The following ANGPTL5 variants were observed in gnomAD, a reference collection of about 807,000 sequenced individuals.
ANGPTL5 encodes the protein angiopoietin like 5.
A neutral mutation model predicts 39.4 loss-of-function variants in ANGPTL5; 34 were observed. That is an observed-to-expected ratio of 0.86 (90% CI 0.66 to 1.15). The LOEUF is 1.15. Among genes scored for constraint, ANGPTL5 ranks in the 50% most tolerant of loss-of-function variants. The probability of loss-of-function intolerance (pLI) is 0.00; values close to 1 mark genes in which losing one functional copy is unlikely to be tolerated. For synonymous variants in ANGPTL5, 146 were observed against 152.1 expected (o/e 0.96, Z 0.29); for missense variants, 467 against 457.5 (o/e 1.02, Z -0.19).
Position 101,913,044 on chromosome 11 carries a change from T to C in ANGPTL5, c.-93+2975A>G, listed in dbSNP as rs538704522. On this transcript the variant is annotated intron_variant, in intron 1 of 8. Transcript: ENST00000334289. ...AGCTAAACAAACACTGGCCTTGAGA[T>C]AAGCAATAGTAAAACAATCGTAGCT... Among the ~76,000 whole-genome samples, 16 of 152,306 alleles carry C rather than the reference T, an allele frequency of 1.1e-4. No individual in the cohort carries two copies. The South Asian group carries it at 2.1e-3, about 20-fold the overall frequency.
At chr11:101,894,278 T>C (rs181343647) in intron 8 of ANGPTL5, among the ~76,000 whole-genome samples, 4 of 152,242 alleles carry the variant, frequency 2.6e-5, no homozygotes, top group East Asian at 1.9e-4. Context: ...AACAAGGGAG[T>C]TGAATTTAGT....
At chr11:101,902,568 G>A in intron 6 of ANGPTL5, 53 bp downstream of exon 6, 1 of 1,235,324 alleles carries the variant, frequency 8.1e-7, no homozygotes, top group Non-Finnish European at 1.2e-6. Flanking sequence ...TAAATTGGTT[G>A]GATGTTTATC....
intron 2 of ANGPTL5, 106 bp from the exon 3 acceptor site, chr11:101,907,353 C>T: frequency 1.4e-6 from 1 of 710,406 alleles, no homozygotes; most frequent in South Asian, 2.7e-5. Context: ...TCAGGAAAGA[C>T]AAGGCTGATC....
chr11:101,911,134 T>G, intron 1 of ANGPTL5, among the ~76,000 whole-genome samples: 1 of 108,438 alleles, frequency 9.2e-6, no homozygotes, highest in Non-Finnish European at 1.8e-5. Flanking sequence ...TTTTTTTTTT[T>G]TTTTTTTGAG....
chr11:101,905,097 C>T (rs538741650), intron 4 of ANGPTL5, among the ~76,000 whole-genome samples, 190 bp from the exon 5 acceptor site: 46 of 152,294 alleles, frequency 3.0e-4, no homozygotes, highest in Admixed American at 2.7e-3. Flanking sequence ...ACCTCCTTAA[C>T]GTTGATTTTA....
At chr11:101,895,266 G>T (rs915634470) in intron 7 of ANGPTL5, among the ~76,000 whole-genome samples, 12 of 152,080 alleles carry the variant, frequency 7.9e-5, no homozygotes, top group Non-Finnish European at 1.8e-4. Context: ...TACTTCACCA[G>T]ACTTGAGAAA....
chr11:101,899,553 A>AGAT (rs1939858153), intron 7 of ANGPTL5, among the ~76,000 whole-genome samples: 1 of 152,246 alleles, frequency 6.6e-6, no homozygotes, highest in Non-Finnish European at 1.5e-5. Flanking sequence ...TGGATCTATA[A>AGAT]CTACCTAATT....
chr11:101,892,479 C>T (rs913615774), intron 8 of ANGPTL5, among the ~76,000 whole-genome samples: 5 of 152,248 alleles, frequency 3.3e-5, no homozygotes, highest in African/African-American at 9.6e-5. Flanking sequence ...GATCCACCCA[C>T]CTCGGCCTCC....
Position 101,904,880 on chromosome 11 carries a change from G to A in ANGPTL5, c.373C>T (p.Leu125Phe), listed in dbSNP as rs1356030107. 6.2e-7 allele frequency: 1 copy of A among 1,613,358 alleles called. No homozygotes were observed. Among genetic ancestry groups the A allele is most frequent in the Admixed American group, 1.7e-5 (1 of 59,990 alleles). Residue 125 changes from leucine (L) to phenylalanine (F), a missense_variant, in exon 5 of 9, where the codon CTT (leucine) becomes TTT (phenylalanine). By Grantham distance (22) the Leu-to-Phe change is conservative. Coordinates refer to ENST00000334289, the MANE Select transcript of ANGPTL5 (RefSeq NM_178127.5). The part of the protein sequence containing the change: ...QVNELMNRVL[L>F]LTTEVFRKQL... ...TTTCTAAAAACTTCTGTAGTCAAAAGGAGAACTCTATTCATGAGCTCGTTA... is the reference window on the plus strand; with the variant it reads ...TTTCTAAAAACTTCTGTAGTCAAAAAGAGAACTCTATTCATGAGCTCGTTA...
intron 1 of ANGPTL5, among the ~76,000 whole-genome samples, chr11:101,910,205 G>T (rs141680737): frequency 0.023 from 3,439 of 152,144 alleles, 44 homozygotes; most frequent in Middle Eastern, 0.058. Flanking sequence ...GAGGTTGGGA[G>T]TTTGAGGCCA....
intron 7 of ANGPTL5, among the ~76,000 whole-genome samples, chr11:101,897,421 G>C (rs575567285): frequency 6.6e-6 from 1 of 152,122 alleles, no homozygotes; most frequent in South Asian, 2.1e-4. Flanking sequence ...CAGTCATGAA[G>C]TCTTTGCCCA....
rs1281249198 is a variant in ANGPTL5, at chr11:101,900,514, T to C, written c.577A>G (p.Thr193Ala). Reference protein sequence around the residue: ...CDMDYRGGGRTVIQKRIDGII... With the variant: ...CDMDYRGGGRAVIQKRIDGII... ...CCATCAATTCTTTTCTGTATCACAG[T>C]CCGTCCACCTCCTCTGTAATCCATG... Residue 193 changes from threonine to alanine, a missense_variant, in exon 7 of 9, where the codon ACT becomes GCT. Coordinates refer to ENST00000334289, the MANE Select transcript of ANGPTL5 (RefSeq NM_178127.5). 1 of 1,612,288 alleles carries C rather than the reference T, an allele frequency of 6.2e-7. No individual in the cohort carries two copies. The highest frequency in any genetic ancestry group is 1.3e-5 in the African/African-American group (1 of 74,894).
At chr11:101,893,247 C>T (rs1325075930) in intron 8 of ANGPTL5, among the ~76,000 whole-genome samples, 1 of 152,122 alleles carries the variant, frequency 6.6e-6, no homozygotes, top group Non-Finnish European at 1.5e-5. Flanking sequence ...TTTCTTTTCC[C>T]TAAGAATCCA....
In ANGPTL5 at chr11:101,894,959, T is replaced by A. The variant is rs751414863; in HGVS notation, c.767A>T (p.Tyr256Phe). 4.3e-6 allele frequency: 7 copies of A among 1,612,734 alleles called. No homozygotes were observed. Among genetic ancestry groups the A allele is most frequent in the Middle Eastern group, 1.7e-4 (1 of 6,058 alleles). The change falls in exon 8 of 9, where the codon TAT (tyrosine) becomes TTT (phenylalanine). Residue 256 changes from tyrosine to phenylalanine, a missense_variant. Physicochemically the swap from Tyr to Phe is conservative, Grantham distance 22. Transcript: ENST00000334289. ...TAGCCAAAAATTATCATATGATGCA[T>A]AAGCAAGAGTGTCATCTTCAGATTC... Reference protein sequence around the residue: ...ALESEDDTLAYASYDNFWLED... With the variant: ...ALESEDDTLAFASYDNFWLED...
intron 4 of ANGPTL5, 34 bp downstream of exon 4, chr11:101,905,710 A>G (rs374918763): frequency 6.8e-5 from 95 of 1,393,928 alleles, no homozygotes; most frequent in Non-Finnish European, 9.2e-5. Flanking sequence ...CAACGTGTAC[A>G]TGCAATAACA....
At chr11:101,907,018 CA>C (rs1940007594) in intron 3 of ANGPTL5, 84 bp downstream of exon 3, 3 of 1,096,962 alleles carry the variant, frequency 2.7e-6, no homozygotes, top group Non-Finnish European at 3.9e-6. Context: ...ATGACCCAGA[CA>C]AAAGCTAAAG....
chr11:101,892,557 G>A (rs777830297), intron 8 of ANGPTL5, among the ~76,000 whole-genome samples: 3 of 152,066 alleles, frequency 2.0e-5, no homozygotes, highest in Admixed American at 6.6e-5. Context: ...GGTATCCCTC[G>A]TATTTACAAT....
chr11:101,908,653 GC>G (rs1276282828), intron 1 of ANGPTL5, among the ~76,000 whole-genome samples: 1 of 151,784 alleles, frequency 6.6e-6, no homozygotes, highest in Non-Finnish European at 1.5e-5. Flanking sequence ...TGTAGCAGGT[GC>G]CTGTAATCCC....
intron 1 of ANGPTL5, among the ~76,000 whole-genome samples, chr11:101,910,420 AAAAAATATATAT>A (rs1431933454): frequency 2.3e-5 from 3 of 128,414 alleles, no homozygotes; most frequent in Non-Finnish European, 5.0e-5. Context: ...CAAAAAAAAA[AAAAAATATATAT>A]ATATATATAT....
Sources: allele counts gnomAD v4.1 joint callset (sites outside exome capture counted in the v4.1 genomes callset), GRCh38; gene constraint gnomAD v4.1.1; transcripts MANE v1.5; gene names NCBI Gene and HGNC (gene_info 2026-07-23, HGNC 2026-07-21).